TRPC5: variants seen among roughly 807,000 people sequenced by gnomAD.
TRPC5 encodes transient receptor potential cation channel subfamily C member 5.
Under a neutral mutation model 56.5 loss-of-function variants are expected in TRPC5, and 9 were observed. That is an observed-to-expected ratio of 0.16 (90% CI 0.10 to 0.28). The LOEUF is 0.28. Among genes scored for constraint, TRPC5 ranks in the 10% least tolerant of loss-of-function variants. TRPC5 has a pLI of 1.00. For missense variants in TRPC5, 469 were observed against 748.9 expected, an observed-to-expected ratio of 0.63 and a Z score of 4.36; for synonymous variants, 282 against 278.5, an observed-to-expected ratio of 1.01 and a Z score of -0.13.
At chrX:111,946,614 G>A (rs1926939414) in intron 2 of TRPC5, among the ~76,000 whole-genome samples, 1 of 112,151 alleles carries the variant, frequency 8.9e-6, no homozygotes, top group South Asian at 3.7e-4. Flanking sequence ...GAATATGAAA[G>A]TCCAGAGGGT....
intron 1 of TRPC5, among the ~76,000 whole-genome samples, chrX:112,065,090 A>C (rs1014282834): frequency 5.4e-5 from 6 of 110,637 alleles, no homozygotes; most frequent in Non-Finnish European, 1.1e-4. Context: ...AAAAAAAAAA[A>C]AAACAAAAAG....
chrX:111,963,058 G>A (rs750684512), intron 1 of TRPC5, among the ~76,000 whole-genome samples: 1 of 112,299 alleles, frequency 8.9e-6, no homozygotes, highest in African/African-American at 3.2e-5. Context: ...AAGGGGTCAG[G>A]GAGTTCCCTT....
At chrX:112,073,932 T>C (rs1930774247) in intron 1 of TRPC5, among the ~76,000 whole-genome samples, 1 of 111,842 alleles carries the variant, frequency 8.9e-6, no homozygotes, top group Admixed American at 9.6e-5. Context: ...TTACAGTGTA[T>C]TTTATACCCC....
chrX:111,961,531 A>G (rs1256339423), intron 1 of TRPC5, among the ~76,000 whole-genome samples: 1 of 112,072 alleles, frequency 8.9e-6, no homozygotes, highest in Admixed American at 9.5e-5. Context: ...CTCTACTAAA[A>G]TGGCTACATA....
intron 3 of TRPC5, chrX:111,903,387 G>A (rs774677942): frequency 2.7e-5 from 3 of 112,109 alleles, no homozygotes; most frequent in African/African-American, 9.7e-5. Context: ...GTTATGCGAC[G>A]GTTTATGATG....
chrX:111,884,784 A>C (rs917962235), intron 3 of TRPC5, among the ~76,000 whole-genome samples: 9 of 113,175 alleles, frequency 8.0e-5, no homozygotes, highest in Admixed American at 3.7e-4. Flanking sequence ...AGCCTACTTA[A>C]GTCCTAGACA....
chrX:111,781,049 A>C, intron 9 of TRPC5, 116 bp downstream of exon 9: 2 of 730,752 alleles, frequency 2.7e-6, no homozygotes, highest in Non-Finnish European at 4.3e-6. Context: ...AGCCTTTCCA[A>C]GCCTCCTATC....
intron 3 of TRPC5, chrX:111,902,220 A>G: frequency 1.1e-6 from 1 of 906,917 alleles, no homozygotes; most frequent in Non-Finnish European, 1.5e-6. Flanking sequence ...AGGGATGTGA[A>G]AACTGATCAT....
intron 1 of TRPC5, among the ~76,000 whole-genome samples, chrX:111,966,012 AC>A (rs1569528784): frequency 8.9e-6 from 1 of 111,896 alleles, no homozygotes; most frequent in East Asian, 2.8e-4. Flanking sequence ...GACACAAAAA[AC>A]CCTTCAAAAA....
intron 1 of TRPC5, among the ~76,000 whole-genome samples, chrX:112,023,634 G>A (rs56223114): frequency 3.8e-4 from 42 of 111,377 alleles, no homozygotes; most frequent in Non-Finnish European, 6.6e-4. Flanking sequence ...TTAGCTTCTA[G>A]AGTCTGCTAT....
At chrX:112,058,018 C>A in intron 1 of TRPC5, among the ~76,000 whole-genome samples, 1 of 111,804 alleles carries the variant, frequency 8.9e-6, no homozygotes, top group Non-Finnish European at 1.9e-5. Context: ...TGCCCTTTCT[C>A]TAGCCCTGGG....
chrX:111,964,544 G>A (rs1479742918), intron 1 of TRPC5, among the ~76,000 whole-genome samples: 1 of 112,058 alleles, frequency 8.9e-6, no homozygotes. Flanking sequence ...AAGTTGAAAT[G>A]AAGGAAAAAA....
chrX:111,888,432 T>G (rs1313536148), intron 3 of TRPC5, among the ~76,000 whole-genome samples: 1 of 103,814 alleles, frequency 9.6e-6, no homozygotes, highest in African/African-American at 3.5e-5. Flanking sequence ...CCCAGAACTT[T>G]GGGAGGCCGA....
intron 3 of TRPC5, among the ~76,000 whole-genome samples, chrX:111,894,853 G>T (rs1158621038): frequency 9.0e-6 from 1 of 111,583 alleles, no homozygotes; most frequent in Non-Finnish European, 1.9e-5. Context: ...CAGCACCCCA[G>T]AAGGCTTCCT....
At chrX:111,887,758 C>A (rs901248510) in intron 3 of TRPC5, among the ~76,000 whole-genome samples, 1 of 112,012 alleles carries the variant, frequency 8.9e-6, no homozygotes, top group Non-Finnish European at 1.9e-5. Context: ...TTAGTCCTTA[C>A]AAATTATTAG....
chrX:111,821,603 G>T lies in TRPC5; in HGVS notation c.1896+13318C>A, dbSNP rs745718930. Among the ~76,000 whole-genome samples, 35 of 111,783 alleles carry T rather than the reference G, an allele frequency of 3.1e-4. No homozygotes were observed. The South Asian group carries it at 0.013, about 41-fold the overall frequency. On this transcript the variant is annotated intron_variant, in intron 7 of 10. Transcript: ENST00000262839. ...GCTCCAGTAACCACAGGAAGAGAGA[G>T]GGCCTTATTAATATTAATAACTCAG... is the stretch of plus-strand genomic sequence containing the variant.
chrX:111,946,090 TG>T (rs1306716371), intron 2 of TRPC5, among the ~76,000 whole-genome samples: 5 of 111,469 alleles, frequency 4.5e-5, no homozygotes, highest in Admixed American at 3.8e-4. Context: ...TGGAAGAAAA[TG>T]AAATTTAGCA....
intron 1 of TRPC5, among the ~76,000 whole-genome samples, chrX:112,003,746 T>G (rs1294285378): frequency 9.0e-6 from 1 of 111,084 alleles, no homozygotes; most frequent in African/African-American, 3.3e-5. Context: ...ATTTAAGGAT[T>G]TAGGGTTTTA....
At chrX:111,869,063 C>G (rs1923637017) in intron 3 of TRPC5, among the ~76,000 whole-genome samples, 1 of 111,663 alleles carries the variant, frequency 9.0e-6, no homozygotes, top group East Asian at 2.8e-4. Flanking sequence ...TGCAAAAGTT[C>G]CCGAAGAGGA....
Sources: allele counts gnomAD v4.1 joint callset (sites outside exome capture counted in the v4.1 genomes callset), GRCh38; gene constraint gnomAD v4.1.1; transcripts MANE v1.5; gene names NCBI Gene and HGNC (gene_info 2026-07-23, HGNC 2026-07-21).